The following NDUFA5 variants were observed in gnomAD, a reference collection of about 807,000 sequenced individuals.
NDUFA5 encodes NADH dehydrogenase [ubiquinone] 1 alpha subcomplex subunit 5.
In NDUFA5, 11 loss-of-function variants were observed where a neutral mutation model predicts 19.8. The ratio of observed to expected loss-of-function variants is 0.56; its 90% CI spans 0.35 to 0.92. NDUFA5 has a LOEUF of 0.92. Among genes scored for constraint, NDUFA5 ranks in the 40% least tolerant of loss-of-function variants. The pLI, the probability that NDUFA5 is intolerant of heterozygous loss-of-function variation, is 0.01. For synonymous variants in NDUFA5, 47 were observed against 46.8 expected (o/e 1.00, Z -0.01); for missense variants, 109 against 134.2 (o/e 0.81, Z 0.93).
chr7:123,590,731 G>A, the NDUFA5 span, among the ~76,000 whole-genome samples: 19,271 of 152,118 alleles, frequency 0.13, 1,393 homozygotes, highest in Admixed American at 0.19. Flanking sequence ...GTCAGGTAGC[G>A]TGATGCCTCC....
At chr7:123,592,883 C>G in the NDUFA5 span, among the ~76,000 whole-genome samples, 1 of 151,684 alleles carries the variant, frequency 6.6e-6, no homozygotes, top group Admixed American at 6.6e-5. Context: ...TAAAGTCTTC[C>G]ATTATTATTG....
chr7:123,570,512 A>G, the NDUFA5 span, among the ~76,000 whole-genome samples: 4 of 151,930 alleles, frequency 2.6e-5, no homozygotes, highest in Non-Finnish European at 5.9e-5. Flanking sequence ...TTCTGGAATG[A>G]TCTGGGCATG....
chr7:123,551,525 TG>T, intron 2 of NDUFA5: 1 of 978,698 alleles, frequency 1.0e-6, no homozygotes, highest in East Asian at 1.1e-4. Context: ...TTTTTCAAAG[TG>T]AGGTCCGAAG....
Position 123,542,158 on chromosome 7 carries a change from C to T in NDUFA5, c.312G>A (p.Val104=). 3 of 1,611,708 alleles carry T rather than the reference C, an allele frequency of 1.9e-6. No individual in the cohort carries two copies. Among genetic ancestry groups the T allele is most frequent in the Non-Finnish European group, 2.5e-6 (3 of 1,179,050 alleles). Residue 104 remains valine, a synonymous_variant, in exon 5 of 5, where the codon GTG becomes GTA. Transcript: ENST00000355749. The part of the protein sequence containing the change: ...MREWKLWEPL[V]EEPPADQWKW... Reference sequence around the variant, plus strand: ...TCCACTGATCGGCAGGAGGCTCTTCCACTAATGGCTCCCATAGTTTCCATT... The same window carrying T: ...TCCACTGATCGGCAGGAGGCTCTTCTACTAATGGCTCCCATAGTTTCCATT...
the NDUFA5 span, among the ~76,000 whole-genome samples, chr7:123,597,938 G>A: frequency 4.6e-5 from 7 of 151,586 alleles, no homozygotes; most frequent in Admixed American, 2.6e-4. Flanking sequence ...GTGTGTGTGT[G>A]TGTGTGTGTG....
chr7:123,552,179 T>TAAA (rs34744524), intron 2 of NDUFA5, among the ~76,000 whole-genome samples: 1 of 144,328 alleles, frequency 6.9e-6, no homozygotes. Context: ...TTTTTTCAAT[T>TAAA]AAAAAAAAAA....
At position 123,540,890 on chromosome 7, in the gene NDUFA5, G is replaced by GCGCACACACACACACA. The variant is rs766305834; in HGVS notation, c.*1228_*1229insTGTGTGTGTGTGTGCG. 7.5e-6 allele frequency: 1 copy of GCGCACACACACACACA among 133,830 alleles called. No individual in the cohort carries two copies. The highest frequency in any genetic ancestry group is 3.0e-5 in the African/African-American group (1 of 33,802). 8.3% of individuals were successfully genotyped at this position (133,830 alleles called of 1,614,324 possible). ...TCTGAGCAAATGTGCGCATGCGCGT[G>GCGCACACACACACACA]CACACACACACACACACACACACAC... On this transcript the variant is annotated 3_prime_UTR_variant, in exon 5 of 5. Transcript: ENST00000355749.
At chr7:123,546,555 A>G in intron 3 of NDUFA5, 1 of 721,472 alleles carries the variant, frequency 1.4e-6, no homozygotes, top group South Asian at 1.9e-5. Flanking sequence ...TTTTTGAGCC[A>G]GAAATCATGC....
chr7:123,576,347 T>C, the NDUFA5 span, among the ~76,000 whole-genome samples: 1 of 152,072 alleles, frequency 6.6e-6, no homozygotes, highest in South Asian at 2.1e-4. Flanking sequence ...TTTTTGTTGT[T>C]GTTGTTTTAA....
rs1038078146 is a variant in NDUFA5, at chr7:123,554,005, T to G, written c.66+3399A>C. On this transcript the variant is annotated intron_variant, in intron 2 of 4. Coordinates refer to ENST00000355749, the MANE Select transcript of NDUFA5 (RefSeq NM_005000.5). The stretch of plus-strand genomic sequence containing the variant: ...TACATACAGAATACATAGAACTGAA[T>G]GGCAGAAAATACAGCAAACATAAGG... Among the ~76,000 whole-genome samples the G allele has an allele frequency of 2.6e-4, 40 of 152,220 alleles. 1 individual carries two copies.
At chr7:123,568,091 T>C in the NDUFA5 span, among the ~76,000 whole-genome samples, 3 of 152,188 alleles carry the variant, frequency 2.0e-5, no homozygotes, top group Non-Finnish European at 4.4e-5. Context: ...CATTACCCAG[T>C]TTTATCTTAG....
upstream of NDUFA5, chr7:123,557,984 A>T: frequency 1.1e-6 from 1 of 882,530 alleles, no homozygotes; most frequent in Non-Finnish European, 1.7e-6. Context: ...CGCGATGGGC[A>T]TACAAGCCTA....
the NDUFA5 span, among the ~76,000 whole-genome samples, chr7:123,585,800 GA>G: frequency 6.6e-6 from 1 of 151,714 alleles, no homozygotes; most frequent in South Asian, 2.1e-4. Context: ...AACGTTTTTA[GA>G]TTCCACATAT....
In NDUFA5 at chr7:123,540,887, C is replaced by T. The variant is rs866975485; in HGVS notation, c.*1232G>A. On this transcript the variant is annotated 3_prime_UTR_variant, in exon 5 of 5. Transcript: ENST00000355749. ...CATTCTGAGCAAATGTGCGCATGCG[C>T]GTGCACACACACACACACACACACA... 1 of 114,610 alleles carries T rather than the reference C, an allele frequency of 8.7e-6. No individual in the cohort carries two copies. The highest frequency in any genetic ancestry group is 1.8e-5 in the Non-Finnish European group (1 of 55,696). The allele number at this position is 114,610 out of a possible 1,614,324, so 7.1% of individuals were successfully genotyped here.
chr7:123,570,838 T>C, the NDUFA5 span, among the ~76,000 whole-genome samples: 2 of 152,216 alleles, frequency 1.3e-5, no homozygotes, highest in East Asian at 1.9e-4. Flanking sequence ...CTAACAAATT[T>C]ACCTGTCCAT....
intron 3 of NDUFA5, among the ~76,000 whole-genome samples, chr7:123,548,623 T>C (rs762200464): frequency 3.3e-5 from 5 of 152,142 alleles, no homozygotes; most frequent in East Asian, 1.9e-4. Context: ...GTATAGAGTA[T>C]AAAACAGGAA....
At chr7:123,580,797 C>T in the NDUFA5 span, among the ~76,000 whole-genome samples, 6 of 151,910 alleles carry the variant, frequency 3.9e-5, no homozygotes, top group Admixed American at 6.6e-5. Context: ...TAGAGAAATG[C>T]TTAGGTATAA....
chr7:123,599,604 A>G, the NDUFA5 span, among the ~76,000 whole-genome samples: 18 of 152,168 alleles, frequency 1.2e-4, no homozygotes, highest in African/African-American at 4.3e-4. Context: ...CTGGAAATTC[A>G]CAAACAATGC....
intron 4 of NDUFA5, among the ~76,000 whole-genome samples, chr7:123,542,854 C>G (rs1797989987): frequency 6.6e-6 from 1 of 152,086 alleles, no homozygotes; most frequent in African/African-American, 2.4e-5. Context: ...TTTTTCCTTT[C>G]AAACACAACT....
Sources: gnomAD v4.1 joint callset for allele counts (sites outside exome capture counted in the v4.1 genomes callset) on GRCh38, gnomAD v4.1.1 for gene constraint, MANE v1.5 for transcripts, NCBI Gene and HGNC (gene_info 2026-07-23, HGNC 2026-07-21) for gene names.